Variants in C20orf96 observed in about 807,000 individuals in gnomAD.
C20orf96 encodes chromosome 20 open reading frame 96.
In C20orf96, 57 loss-of-function variants were observed where a neutral mutation model predicts 52.6. The ratio of observed to expected loss-of-function variants is 1.08; its 90% CI spans 0.88 to 1.35. The LOEUF (loss-of-function observed/expected upper bound fraction) is 1.35, where lower values mean the gene tolerates loss of function less well. Ranked by LOEUF, C20orf96 falls within the 40% of genes most tolerant of loss-of-function variation. The probability of loss-of-function intolerance (pLI) is 0.00; values close to 1 mark genes in which losing one functional copy is unlikely to be tolerated. For missense variants in C20orf96, 478 were observed against 443.6 expected (o/e 1.08, Z -0.70); for synonymous variants, 168 against 157.2 (o/e 1.07, Z -0.51).
At chr20:290,078 G>C (rs1454796885) in intron 2 of C20orf96, among the ~76,000 whole-genome samples, 181 bp downstream of exon 2, 1 of 152,168 alleles carries the variant, frequency 6.6e-6, no homozygotes, top group Non-Finnish European at 1.5e-5. Context: ...AAGACAGTGA[G>C]AGGAGAAAAA....
chr20:290,475 G>A (rs1023214154), intron 1 of C20orf96, 116 bp downstream of exon 1: 2 of 1,498,498 alleles, frequency 1.3e-6, no homozygotes, highest in Non-Finnish European at 1.8e-6. Flanking sequence ...GGGAGAGGAC[G>A]GGGGTCAGAA....
At position 277,054 on chromosome 20, in the gene C20orf96, G is replaced by T. The variant is rs1387719174; in HGVS notation, c.815C>A (p.Ser272Tyr). Residue 272 changes from serine (S) to tyrosine (Y), a missense_variant, in exon 8 of 11, where the codon TCT becomes TAT. Coordinates refer to ENST00000360321, the MANE Select transcript of C20orf96 (RefSeq NM_153269.3). ...CAACTGGCTACTCACCGCCACCACA[G>T]AACTCAGAATTTTTTTCTTCTTCTT... ...IQKKKKKILS[S>Y]VVAETQRPYE... 1 of 1,613,672 alleles carries T rather than the reference G, an allele frequency of 6.2e-7. No homozygotes were observed. Among genetic ancestry groups the T allele is most frequent in the African/African-American group, 1.3e-5 (1 of 74,930 alleles).
chr20:278,297 G>A (rs1254849185), intron 6 of C20orf96, 33 bp downstream of exon 6: 1 of 1,538,150 alleles, frequency 6.5e-7, no homozygotes, highest in Non-Finnish European at 9.0e-7. Flanking sequence ...GGTGCCAGGG[G>A]GGAGGGTCAA....
In C20orf96 at chr20:271,267, C is replaced by T; in HGVS notation, c.1032G>A (p.Lys344=). 1 of 1,553,084 alleles carries T rather than the reference C, an allele frequency of 6.4e-7. No homozygotes were observed. Residue 344 remains lysine, a splice_region_variant and synonymous_variant, in exon 11 of 11, where the codon AAG becomes AAA. Coordinates refer to ENST00000360321, the MANE Select transcript of C20orf96 (RefSeq NM_153269.3). The part of the protein sequence containing the change: ...IFEDVLLRRP[K]CTPDMDVILN... The stretch of plus-strand genomic sequence containing the variant: ...GGATGACATCCATGTCTGGGGTGCA[C>T]CTGGTGGGAGGCAGCACAGAAGGCC...
chr20:276,789 G>C lies in C20orf96; in HGVS notation c.912+4C>G. The stretch of plus-strand genomic sequence containing the variant: ...AGGGACCACCACCTTCCTTGCCCAC[G>C]CACTTCTCTGAACCTTTGCATGCAT... On this transcript the variant is annotated splice_donor_region_variant and intron_variant, in intron 9 of 10. Coordinates refer to ENST00000360321, the MANE Select transcript of C20orf96 (RefSeq NM_153269.3). 8.1e-6 allele frequency: 13 copies of C among 1,611,632 alleles called. No individual in the cohort carries two copies. The highest frequency in any genetic ancestry group is 1.1e-5 in the South Asian group (1 of 90,594).
intron 6 of C20orf96, among the ~76,000 whole-genome samples, chr20:277,958 G>T (rs1207827170): frequency 6.6e-6 from 1 of 152,198 alleles, no homozygotes. Context: ...ACCTTGGCAG[G>T]AAACAGAGCC....
chr20:278,498 C>G, intron 5 of C20orf96, 69 bp from the exon 6 acceptor site: 1 of 1,204,270 alleles, frequency 8.3e-7, no homozygotes, highest in Non-Finnish European at 1.2e-6. Context: ...CCCAGCACTT[C>G]CTCAGAGGAG....
At chr20:273,152 T>C (rs2122226641) in intron 10 of C20orf96, among the ~76,000 whole-genome samples, 1 of 152,308 alleles carries the variant, frequency 6.6e-6, no homozygotes, top group Non-Finnish European at 1.5e-5. Context: ...CTTTTGTATT[T>C]TTTGTAGAGA....
At chr20:286,532 A>AAAAGG (rs1305702717) in intron 3 of C20orf96, among the ~76,000 whole-genome samples, 1 of 151,440 alleles carries the variant, frequency 6.6e-6, no homozygotes, top group Non-Finnish European at 1.5e-5. Flanking sequence ...CTGTCTGAAA[A>AAAAGG]AAAGGAAAGG....
At chr20:280,004 T>C (rs1315721525) in intron 4 of C20orf96, among the ~76,000 whole-genome samples, 1 of 151,832 alleles carries the variant, frequency 6.6e-6, no homozygotes, top group Non-Finnish European at 1.5e-5. Context: ...CCCAGGTAGG[T>C]TAAGAAGGTG....
chr20:290,309 T>C lies in C20orf96; in HGVS notation c.21-2A>G, dbSNP rs1346760675. On this transcript the variant is annotated splice_acceptor_variant, in intron 1 of 10. Coordinates refer to ENST00000360321, the MANE Select transcript of C20orf96 (RefSeq NM_153269.3). LOFTEE classifies it high-confidence loss of function. ...GAGTGAGTCCCAGAGTGCTTGGGTC[T>C]GGAAAGAGTTGGGAAGGGAAAGAAC... is the stretch of plus-strand genomic sequence containing the variant. 6.2e-7 allele frequency: 1 copy of C among 1,612,608 alleles called. No homozygotes were observed. The highest frequency in any genetic ancestry group is 8.5e-7 in the Non-Finnish European group (1 of 1,179,338).
intron 3 of C20orf96, among the ~76,000 whole-genome samples, chr20:288,183 T>C (rs1286901547): frequency 1.4e-5 from 2 of 143,688 alleles, no homozygotes; most frequent in African/African-American, 2.5e-5. Context: ...TCTTTTTTTT[T>C]TTTTTTTTTT....
At chr20:279,759 C>G (rs6035552) in intron 4 of C20orf96, among the ~76,000 whole-genome samples, 51,127 of 151,882 alleles carry the variant, frequency 0.34, 9,061 homozygotes, top group East Asian at 0.47. Flanking sequence ...ATCACGAGGT[C>G]AAGAGTTCGA....
At chr20:276,765 G>C (rs2012037824) in intron 9 of C20orf96, 28 bp downstream of exon 9, 1 of 1,605,310 alleles carries the variant, frequency 6.2e-7, no homozygotes, top group African/African-American at 1.3e-5. Flanking sequence ...CTTCCCTACA[G>C]GGACCACCAC....
Position 271,019 on chromosome 20 carries a change from G to A in C20orf96, c.*188C>T, listed in dbSNP as rs2011808342. Reference sequence around the variant, plus strand: ...GGAGGGAGGGAGAGGAGGAAGGAAGGAGGAGGGAAGGGAAGGGGGGAAGAA... The same window carrying A: ...GGAGGGAGGGAGAGGAGGAAGGAAGAAGGAGGGAAGGGAAGGGGGGAAGAA... On this transcript the variant is annotated 3_prime_UTR_variant, in exon 11 of 11. Transcript: ENST00000360321. 1 of 543,858 alleles carries A rather than the reference G, an allele frequency of 1.8e-6. No homozygotes were observed. Among genetic ancestry groups the A allele is most frequent in the East Asian group, 3.4e-5 (1 of 29,298 alleles). 33.7% of individuals were successfully genotyped at this position (543,858 alleles called of 1,614,324 possible).
intron 10 of C20orf96, 53 bp downstream of exon 10, chr20:275,915 C>T (rs113575580): frequency 1.8e-5 from 27 of 1,530,766 alleles, no homozygotes; most frequent in East Asian, 1.1e-4. Context: ...AGAGAGCCTC[C>T]GTGAGCTCAG....
At chr20:281,246 T>C (rs1048202460) in intron 4 of C20orf96, among the ~76,000 whole-genome samples, 1 of 152,144 alleles carries the variant, frequency 6.6e-6, no homozygotes, top group Non-Finnish European at 1.5e-5. Context: ...CCTAGCTACT[T>C]GGGAGGCTGA....
chr20:279,497 C>G (rs2012192833), intron 4 of C20orf96, among the ~76,000 whole-genome samples, 167 bp from the exon 5 acceptor site: 1 of 152,060 alleles, frequency 6.6e-6, no homozygotes, highest in South Asian at 2.1e-4. Context: ...CTGCGCCGCC[C>G]GGGAGCTCCG....
intron 9 of C20orf96, 164 bp from the exon 10 acceptor site, chr20:276,250 C>T (rs868447047): frequency 4.1e-6 from 4 of 985,228 alleles, no homozygotes; most frequent in African/African-American, 1.7e-5. Flanking sequence ...ATGCAAGGTG[C>T]GGCTGGCTTC....
Sources: allele counts gnomAD v4.1 joint callset (sites outside exome capture counted in the v4.1 genomes callset), GRCh38; gene constraint gnomAD v4.1.1; transcripts MANE v1.5; gene names NCBI Gene and HGNC (gene_info 2026-07-23, HGNC 2026-07-21).